FRMD5: variants seen among roughly 807,000 people sequenced by gnomAD.
FRMD5 encodes FERM domain containing 5, also known as FERM domain-containing protein 5.
Under a neutral mutation model 69.0 loss-of-function variants are expected in FRMD5, and 20 were observed. That is an observed-to-expected ratio of 0.29 (90% CI 0.20 to 0.42). The LOEUF is 0.42. Among genes scored for constraint, FRMD5 ranks in the 10% least tolerant of loss-of-function variants. The pLI is 1.00. For synonymous variants in FRMD5, 271 were observed against 260.1 expected (o/e 1.04, Z -0.40); for missense variants, 595 against 708.6 (o/e 0.84, Z 1.82).
chr15:44,044,991 C>T (rs1317632115), intron 1 of FRMD5, among the ~76,000 whole-genome samples: 1 of 152,188 alleles, frequency 6.6e-6, no homozygotes, highest in Non-Finnish European at 1.5e-5. Flanking sequence ...CTGTCCCAGA[C>T]TGCTTTAAAG....
intron 1 of FRMD5, among the ~76,000 whole-genome samples, chr15:44,048,308 G>A (rs1355468350): frequency 6.6e-6 from 1 of 152,002 alleles, no homozygotes; most frequent in African/African-American, 2.4e-5. Context: ...TTTTCCCTAT[G>A]ACTAATGATG....
rs572019269 is a variant in FRMD5, at chr15:43,872,913, G to T, written c.*972C>A. ...ATTGAAATAGTCTTTGGGTCAAGGG[G>T]GTGTATATAAAATAAGCACTGCTAT... On this transcript the variant is annotated 3_prime_UTR_variant, in exon 14 of 14. Coordinates refer to ENST00000417257, the MANE Select transcript of FRMD5 (RefSeq NM_032892.5). The T allele has an allele frequency of 8.2e-5, 36 of 440,560 alleles. No individual in the cohort carries two copies. Among genetic ancestry groups the T allele is most frequent in the East Asian group, 7.7e-4 (23 of 29,764 alleles). 27.3% of individuals were successfully genotyped at this position (440,560 alleles called of 1,614,324 possible). A position where few individuals can be genotyped will look rare whatever the true frequency, so the allele number is the denominator to read the frequency against.
intron 1 of FRMD5, among the ~76,000 whole-genome samples, chr15:43,988,320 G>T (rs1889495936): frequency 6.6e-6 from 1 of 150,432 alleles, no homozygotes; most frequent in African/African-American, 2.4e-5. Context: ...GCAGCAAAAA[G>T]ATTACTACTC....
chr15:44,087,461 T>C (rs1041417499), intron 1 of FRMD5, among the ~76,000 whole-genome samples: 1 of 152,176 alleles, frequency 6.6e-6, no homozygotes, highest in African/African-American at 2.4e-5. Context: ...CTTTGAAATA[T>C]ATGAACCAAA....
rs2090101519 is a variant in FRMD5 at position 43,955,556 on chromosome 15, A to T, written c.103-31247T>A. 3.3e-5 allele frequency among the ~76,000 whole-genome samples: 5 copies of T among 152,214 alleles called. No individual in the cohort carries two copies. The South Asian group carries it at 1.0e-3, about 32-fold the overall frequency. On this transcript the variant is annotated intron_variant, in intron 1 of 13. Coordinates refer to ENST00000417257, the MANE Select transcript of FRMD5 (RefSeq NM_032892.5). ...TTTGTATGCATGTATGGCATTATGG[A>T]GAAGTTGATGAAAGCCAACTGCTTT... is the stretch of plus-strand genomic sequence containing the variant.
At chr15:44,055,273 T>C (rs1198069261) in intron 1 of FRMD5, among the ~76,000 whole-genome samples, 1 of 152,130 alleles carries the variant, frequency 6.6e-6, no homozygotes, top group Non-Finnish European at 1.5e-5. Flanking sequence ...TTAATGACTC[T>C]GGCACCTTAT....
intron 1 of FRMD5, among the ~76,000 whole-genome samples, chr15:44,183,563 A>G (rs560139830): frequency 6.6e-6 from 1 of 152,212 alleles, no homozygotes. Flanking sequence ...AGTATTGTGC[A>G]GTGAGGTGTT....
intron 1 of FRMD5, among the ~76,000 whole-genome samples, chr15:44,073,252 T>C (rs139958552): frequency 0.013 from 1,947 of 150,936 alleles, 51 homozygotes; most frequent in African/African-American, 0.046. Flanking sequence ...TTCCAGAGTT[T>C]CAAATTCCTT....
At chr15:44,180,308 A>C (rs189339704) in intron 1 of FRMD5, among the ~76,000 whole-genome samples, 1 of 152,276 alleles carries the variant, frequency 6.6e-6, no homozygotes, top group African/African-American at 2.4e-5. Flanking sequence ...TAATTTTTTA[A>C]TCAATTAACA....
intron 1 of FRMD5, among the ~76,000 whole-genome samples, chr15:44,134,156 T>C (rs1426190837): frequency 2.1e-5 from 3 of 144,966 alleles, no homozygotes; most frequent in African/African-American, 5.2e-5. Context: ...TCTCACTCTG[T>C]TGCCCAGGCT....
intron 1 of FRMD5, among the ~76,000 whole-genome samples, chr15:44,001,424 T>C (rs974402802): frequency 1.3e-5 from 2 of 152,162 alleles, no homozygotes; most frequent in Non-Finnish European, 2.9e-5. Context: ...TAGCCCTACT[T>C]GTTTTTGCTT....
At chr15:44,076,276 C>T (rs1425188233) in intron 1 of FRMD5, among the ~76,000 whole-genome samples, 20 of 150,872 alleles carry the variant, frequency 1.3e-4, no homozygotes, top group African/African-American at 4.1e-4. Context: ...TTACTGGGTA[C>T]ATACCCAAAG....
At chr15:44,092,608 T>C (rs1342821262) in intron 1 of FRMD5, among the ~76,000 whole-genome samples, 1 of 152,190 alleles carries the variant, frequency 6.6e-6, no homozygotes, top group Non-Finnish European at 1.5e-5. Flanking sequence ...CATCATAGGA[T>C]ATGAGCTAAG....
chr15:44,149,151 G>T (rs1363080523), intron 1 of FRMD5, among the ~76,000 whole-genome samples: 3 of 152,088 alleles, frequency 2.0e-5, no homozygotes, highest in South Asian at 2.1e-4. Context: ...GGACAGAACT[G>T]TAAAGCATAG....
chr15:44,066,397 T>C (rs116815645), intron 1 of FRMD5, among the ~76,000 whole-genome samples: 1 of 152,056 alleles, frequency 6.6e-6, no homozygotes, highest in South Asian at 2.1e-4. Context: ...GTGATAGGGA[T>C]TCAAAGATTG....
chr15:43,959,610 T>G (rs2090165340), intron 1 of FRMD5, among the ~76,000 whole-genome samples: 1 of 152,204 alleles, frequency 6.6e-6, no homozygotes, highest in African/African-American at 2.4e-5. Flanking sequence ...TTTACATCCC[T>G]AGACCAGATG....
At chr15:44,103,004 A>G (rs1236832046) in intron 1 of FRMD5, among the ~76,000 whole-genome samples, 1 of 152,244 alleles carries the variant, frequency 6.6e-6, no homozygotes, top group Non-Finnish European at 1.5e-5. Flanking sequence ...GTACTAGGAG[A>G]GGGAAAGGAA....
At chr15:44,136,652 C>G (rs764772346) in intron 1 of FRMD5, among the ~76,000 whole-genome samples, 1 of 149,182 alleles carries the variant, frequency 6.7e-6, no homozygotes, top group Non-Finnish European at 1.5e-5. Flanking sequence ...TGTCCTTAGG[C>G]CAATCACTTT....
At chr15:43,958,689 TG>T (rs1421740556) in intron 1 of FRMD5, among the ~76,000 whole-genome samples, 1 of 152,194 alleles carries the variant, frequency 6.6e-6, no homozygotes, top group Admixed American at 6.5e-5. Flanking sequence ...TCACCTCCGC[TG>T]GGAGACCTTG....
Sources: allele counts gnomAD v4.1 joint callset (sites outside exome capture counted in the v4.1 genomes callset), GRCh38; gene constraint gnomAD v4.1.1; transcripts MANE v1.5; gene names NCBI Gene and HGNC (gene_info 2026-07-23, HGNC 2026-07-21).